Variants in SLC71A2 observed in about 807,000 individuals in gnomAD.
SLC71A2 encodes solute carrier family 71 member 2.
At chr9:94,446,370 GAT>G in the SLC71A2 span, among the ~76,000 whole-genome samples, 1 of 152,164 alleles carries the variant, frequency 6.6e-6, no homozygotes, top group Non-Finnish European at 1.5e-5. Context: ...TTGTCTACCA[GAT>G]ATAAAAGTTG....
At chr9:94,431,537 G>A in the SLC71A2 span, among the ~76,000 whole-genome samples, 2 of 150,142 alleles carry the variant, frequency 1.3e-5, no homozygotes, top group African/African-American at 4.9e-5. Flanking sequence ...ATAGCTGTAT[G>A]TCTTTTTACT....
chr9:94,451,510 C>G, the SLC71A2 span: 5 of 1,565,900 alleles, frequency 3.2e-6, no homozygotes, highest in African/African-American at 4.1e-5. Flanking sequence ...GGTAGGAATT[C>G]TGTCTATTGT....
the SLC71A2 span, among the ~76,000 whole-genome samples, chr9:94,392,363 C>T: frequency 3.3e-5 from 5 of 151,504 alleles, no homozygotes; most frequent in African/African-American, 1.2e-4. Flanking sequence ...TTAACTGTGG[C>T]TCCACCCTGA....
the SLC71A2 span, among the ~76,000 whole-genome samples, chr9:94,434,065 C>CT: frequency 6.6e-6 from 1 of 151,876 alleles, no homozygotes; most frequent in African/African-American, 2.4e-5. Flanking sequence ...GTTGAGAAAC[C>CT]TTTTGTTGCT....
At chr9:94,454,808 A>C in the SLC71A2 span, among the ~76,000 whole-genome samples, 1 of 152,236 alleles carries the variant, frequency 6.6e-6, no homozygotes, top group Non-Finnish European at 1.5e-5. Context: ...GAGTTTGAAC[A>C]CTAAAATTTC....
chr9:94,376,545 G>T, the SLC71A2 span, among the ~76,000 whole-genome samples: 8 of 150,430 alleles, frequency 5.3e-5, no homozygotes, highest in African/African-American at 2.0e-4. Flanking sequence ...TAAATTGGCA[G>T]GTTGAAGCAT....
the SLC71A2 span, among the ~76,000 whole-genome samples, chr9:94,444,167 TGGA>T: frequency 1.3e-5 from 2 of 152,228 alleles, no homozygotes; most frequent in Non-Finnish European, 2.9e-5. Context: ...GGTTATAATT[TGGA>T]GTTTGCCCGA....
chr9:94,393,742 C>T, the SLC71A2 span, among the ~76,000 whole-genome samples: 1 of 147,198 alleles, frequency 6.8e-6, no homozygotes, highest in Non-Finnish European at 1.5e-5. Context: ...TAGGGCCCCG[C>T]ATAATATCTG....
chr9:94,379,386 C>CT, the SLC71A2 span, among the ~76,000 whole-genome samples: 2,215 of 127,574 alleles, frequency 0.017, 53 homozygotes, highest in African/African-American at 0.056. Context: ...GCGCCTGGCC[C>CT]TTTTTTTTTT....
the SLC71A2 span, among the ~76,000 whole-genome samples, chr9:94,451,012 C>T: frequency 1.3e-5 from 2 of 152,164 alleles, no homozygotes; most frequent in Non-Finnish European, 2.9e-5. Flanking sequence ...TCACTGCTCT[C>T]CTTCCCTTGC....
the SLC71A2 span, among the ~76,000 whole-genome samples, chr9:94,396,616 T>C: frequency 1.3e-5 from 2 of 152,130 alleles, no homozygotes; most frequent in Non-Finnish European, 2.9e-5. Context: ...TTTGGCCATA[T>C]GTTACTCAGC....
the SLC71A2 span, among the ~76,000 whole-genome samples, chr9:94,398,259 CTG>C: frequency 1.3e-5 from 2 of 149,596 alleles, no homozygotes; most frequent in Admixed American, 1.3e-4. Flanking sequence ...CTGGACCAAA[CTG>C]AGAGTTGGGC....
chr9:94,429,225 A>C, the SLC71A2 span: 7 of 1,605,006 alleles, frequency 4.4e-6, no homozygotes, highest in Non-Finnish European at 5.9e-6. Context: ...CACATTCCTC[A>C]TGAATGGTCT....
chr9:94,386,051 T>C, the SLC71A2 span, among the ~76,000 whole-genome samples: 4 of 152,048 alleles, frequency 2.6e-5, no homozygotes, highest in Non-Finnish European at 1.5e-5. Flanking sequence ...GTAAATCACA[T>C]TGAATAGTAT....
chr9:94,415,386 T>G, the SLC71A2 span: 6 of 358,524 alleles, frequency 1.7e-5, no homozygotes, highest in East Asian at 9.6e-5. Flanking sequence ...TGTTTCATTG[T>G]TTTTTTTTTT....
At chr9:94,398,239 A>G in the SLC71A2 span, among the ~76,000 whole-genome samples, 1 of 149,320 alleles carries the variant, frequency 6.7e-6, no homozygotes, top group African/African-American at 2.5e-5. Flanking sequence ...TTTTTAAAAC[A>G]CTTATGTTCC....
At chr9:94,444,295 G>T in the SLC71A2 span, among the ~76,000 whole-genome samples, 1 of 152,214 alleles carries the variant, frequency 6.6e-6, no homozygotes, top group African/African-American at 2.4e-5. Context: ...TGCTTAGCTG[G>T]CTCTGTGGTC....
the SLC71A2 span, among the ~76,000 whole-genome samples, chr9:94,404,317 A>T: frequency 2.0e-5 from 3 of 149,048 alleles, no homozygotes; most frequent in Admixed American, 6.7e-5. Context: ...TTTTTGGGGG[A>T]CAGATTTTTG....
chr9:94,445,623 T>C, the SLC71A2 span, among the ~76,000 whole-genome samples: 2 of 152,116 alleles, frequency 1.3e-5, no homozygotes, highest in Non-Finnish European at 2.9e-5. Context: ...TTCTATAATA[T>C]GTCTCTCTCT....
Sources: gnomAD v4.1 joint callset for allele counts (sites outside exome capture counted in the v4.1 genomes callset) on GRCh38, gnomAD v4.1.1 for gene constraint, MANE v1.5 for transcripts, NCBI Gene and HGNC (gene_info 2026-07-23, HGNC 2026-07-21) for gene names.